DSCAM: variants seen among roughly 807,000 people sequenced by gnomAD.
DSCAM encodes the protein cell adhesion molecule DSCAM.
Under a neutral mutation model 217.7 loss-of-function variants are expected in DSCAM, and 47 were observed. The observed-to-expected ratio is 0.22, with a 90% CI of 0.17 to 0.28. The LOEUF is 0.28. Ranked by LOEUF, DSCAM falls within the 10% of genes least tolerant of loss-of-function variation. The pLI is 1.00. For missense variants in DSCAM, 2,080 were observed against 2,618.3 expected (o/e 0.79, Z 4.49); for synonymous variants, 1,056 against 1,015.3 (o/e 1.04, Z -0.76).
Position 40,012,805 on chromosome 21 carries a change from ACTT to A in DSCAM, c.*226_*228del. The stretch of plus-strand genomic sequence containing the variant: ...TAGCCTGTGAAGATCATAAAACTGG[ACTT>A]CTTTCCCAAAAAATCAGATGCCCAG... On this transcript the variant is annotated 3_prime_UTR_variant, in exon 33 of 33. Transcript: ENST00000400454. 1 of 334,544 alleles carries A rather than the reference ACTT, an allele frequency of 3.0e-6. No individual in the cohort carries two copies. Among genetic ancestry groups the A allele is most frequent in the African/African-American group, 2.1e-5 (1 of 47,398 alleles). The allele number at this position is 334,544 out of a possible 1,614,324, so 20.7% of individuals were successfully genotyped here.
At position 40,699,294 on chromosome 21, in the gene DSCAM, C is replaced by T. The variant is rs576156359; in HGVS notation, c.362-6338G>A. On this transcript the variant is annotated intron_variant, in intron 2 of 32. Transcript: ENST00000400454. ...CCCACCTCACTGACATGCCATTTTCCGTCTTTCTCCCTCTCCTGAAGCATC... is the reference window on the plus strand; with the variant it reads ...CCCACCTCACTGACATGCCATTTTCTGTCTTTCTCCCTCTCCTGAAGCATC... Among the ~76,000 whole-genome samples the T allele has an allele frequency of 3.9e-5, 6 of 152,268 alleles. No individual in the cohort carries two copies. The South Asian group carries it at 1.0e-3, about 26-fold the overall frequency.
At chr21:40,405,713 A>G (rs1333850130) in intron 3 of DSCAM, among the ~76,000 whole-genome samples, 2 of 152,184 alleles carry the variant, frequency 1.3e-5, no homozygotes, top group Admixed American at 6.5e-5. Flanking sequence ...AAGATGATAT[A>G]TAGCCGGGCA....
chr21:40,790,180 C>CT (rs771986567), intron 1 of DSCAM, among the ~76,000 whole-genome samples: 14,006 of 125,328 alleles, frequency 0.11, 882 homozygotes, highest in African/African-American at 0.15. Context: ...TTCTTTCTTT[C>CT]TTTTTTTTTT....
At chr21:40,485,763 T>C (rs1007502405) in intron 3 of DSCAM, among the ~76,000 whole-genome samples, 2 of 152,110 alleles carry the variant, frequency 1.3e-5, no homozygotes, top group African/African-American at 4.8e-5. Context: ...CCTGTATACT[T>C]AAATTGTGTG....
intron 20 of DSCAM, among the ~76,000 whole-genome samples, chr21:40,102,909 G>GGGGTC (rs1245765745): frequency 6.6e-6 from 1 of 152,088 alleles, no homozygotes; most frequent in Non-Finnish European, 1.5e-5. Context: ...CATCTCCCCA[G>GGGGTC]GGGTCAGGCT....
intron 1 of DSCAM, among the ~76,000 whole-genome samples, chr21:40,766,565 G>C (rs909185): frequency 2.0e-5 from 3 of 150,686 alleles, no homozygotes; most frequent in African/African-American, 7.3e-5. Flanking sequence ...AAGAGCATCA[G>C]ATGGAGAAAA....
chr21:40,577,648 C>T (rs1043095436), intron 3 of DSCAM, among the ~76,000 whole-genome samples: 8 of 152,152 alleles, frequency 5.3e-5, no homozygotes, highest in Admixed American at 2.0e-4. Context: ...AAAATTCTCT[C>T]GGCCCTGAAG....
intron 3 of DSCAM, among the ~76,000 whole-genome samples, chr21:40,435,160 G>A (rs1016835477): frequency 5.3e-5 from 8 of 152,182 alleles, no homozygotes; most frequent in East Asian, 3.9e-4. Flanking sequence ...TGGTGGCTGC[G>A]GTGTGAGGTG....
At chr21:40,459,463 G>C (rs1248860579) in intron 3 of DSCAM, among the ~76,000 whole-genome samples, 2 of 152,124 alleles carry the variant, frequency 1.3e-5, no homozygotes, top group African/African-American at 4.8e-5. Flanking sequence ...AAGTGACTGA[G>C]TAAAAAGTAA....
intron 9 of DSCAM, among the ~76,000 whole-genome samples, chr21:40,306,347 G>A (rs540894145): frequency 6.6e-6 from 1 of 151,040 alleles, no homozygotes; most frequent in Admixed American, 6.6e-5. Context: ...TTTGGGCTGA[G>A]ACGATGGGGT....
At chr21:40,557,810 TTA>T (rs986268640) in intron 3 of DSCAM, among the ~76,000 whole-genome samples, 63 of 152,208 alleles carry the variant, frequency 4.1e-4, no homozygotes, top group African/African-American at 1.4e-3. Flanking sequence ...GCCTCCAGTA[TTA>T]TGTTATAGCA....
chr21:40,134,146 G>C (rs1362565745), intron 18 of DSCAM, 137 bp from the exon 19 acceptor site: 1 of 1,124,296 alleles, frequency 8.9e-7, no homozygotes, highest in African/African-American at 1.6e-5. Context: ...AATTCTCAAA[G>C]GGACTGTGCA....
chr21:40,611,994 G>T (rs1032324522), intron 3 of DSCAM, among the ~76,000 whole-genome samples: 2 of 152,136 alleles, frequency 1.3e-5, no homozygotes, highest in Non-Finnish European at 2.9e-5. Context: ...GAGAAATAAA[G>T]GATCAGTGGA....
chr21:40,364,690 G>GTA (rs71186930), intron 4 of DSCAM, among the ~76,000 whole-genome samples: 20,563 of 143,874 alleles, frequency 0.14, 1,743 homozygotes, highest in African/African-American at 0.23. Flanking sequence ...AAAAAAAAGT[G>GTA]TATATATATA....
At chr21:40,620,374 GAA>G (rs1446545291) in intron 3 of DSCAM, among the ~76,000 whole-genome samples, 1 of 89,298 alleles carries the variant, frequency 1.1e-5, no homozygotes, top group South Asian at 4.3e-4. Flanking sequence ...GAAAAAGAAA[GAA>G]AGAAAGAAAG....
chr21:40,017,712 T>C (rs1002113069), intron 32 of DSCAM, among the ~76,000 whole-genome samples: 25 of 152,174 alleles, frequency 1.6e-4, no homozygotes, highest in African/African-American at 2.9e-4. Context: ...CCACCACGCC[T>C]GGCTAATTTT....
intron 1 of DSCAM, among the ~76,000 whole-genome samples, chr21:40,753,458 A>G (rs2091247388): frequency 6.6e-6 from 1 of 152,260 alleles, no homozygotes. Flanking sequence ...TACCTACGGA[A>G]AGATGAAGCA....
intron 3 of DSCAM, among the ~76,000 whole-genome samples, chr21:40,639,763 C>A (rs1164233640): frequency 6.6e-6 from 1 of 151,964 alleles, no homozygotes; most frequent in Non-Finnish European, 1.5e-5. Flanking sequence ...GTTACAGCCC[C>A]AGGAGAAATA....
intron 1 of DSCAM, among the ~76,000 whole-genome samples, chr21:40,712,932 A>C (rs905933212): frequency 6.6e-6 from 1 of 152,170 alleles, no homozygotes. Context: ...GAAAGCCTAC[A>C]TACTGATGTG....
Sources: gnomAD v4.1 joint callset for allele counts (sites outside exome capture counted in the v4.1 genomes callset) on GRCh38, gnomAD v4.1.1 for gene constraint, MANE v1.5 for transcripts, NCBI Gene and HGNC (gene_info 2026-07-23, HGNC 2026-07-21) for gene names.